Variants in DIAPH2 observed in about 807,000 individuals in gnomAD.
DIAPH2 encodes protein diaphanous homolog 2.
Under a neutral mutation model 92.7 loss-of-function variants are expected in DIAPH2, and 35 were observed. That is an observed-to-expected ratio of 0.38 (90% CI 0.29 to 0.50). The LOEUF is 0.50. DIAPH2 is among the 20% of genes least tolerant of loss of function. The pLI, the probability that DIAPH2 is intolerant of heterozygous loss-of-function variation, is 0.94. For synonymous variants in DIAPH2, 301 were observed against 280.4 expected (o/e 1.07, Z -0.73); for missense variants, 701 against 819.5 (o/e 0.86, Z 1.77).
At chrX:97,393,812 G>A (rs2069681253) in intron 25 of DIAPH2, among the ~76,000 whole-genome samples, 1 of 111,880 alleles carries the variant, frequency 8.9e-6, no homozygotes, top group African/African-American at 3.2e-5. Flanking sequence ...CAAACTATAA[G>A]CATGATTCTT....
chrX:97,054,445 C>T (rs1211138519), intron 17 of DIAPH2, among the ~76,000 whole-genome samples: 1 of 111,321 alleles, frequency 9.0e-6, no homozygotes, highest in East Asian at 2.9e-4. Context: ...ATATTAAGTG[C>T]TACATCCAAG....
chrX:97,564,481 C>T (rs1187391243), intron 26 of DIAPH2: 2 of 111,719 alleles, frequency 1.8e-5, no homozygotes, highest in Non-Finnish European at 3.8e-5. Context: ...GCTGTATCCT[C>T]ACATTGTGAA....
At chrX:97,081,913 G>A (rs1053351802) in intron 19 of DIAPH2, 1 of 108,973 alleles carries the variant, frequency 9.2e-6, no homozygotes, top group African/African-American at 3.4e-5. Context: ...CACGAAGTCA[G>A]GAGATTGAGA....
At chrX:97,088,191 A>G (rs1305663688) in intron 19 of DIAPH2, among the ~76,000 whole-genome samples, 2 of 112,017 alleles carry the variant, frequency 1.8e-5, no homozygotes, top group African/African-American at 6.5e-5. Context: ...TAATCTGTGC[A>G]TTACGTTACT....
At chrX:97,045,250 A>G (rs2066473509) in intron 17 of DIAPH2, among the ~76,000 whole-genome samples, 1 of 111,942 alleles carries the variant, frequency 8.9e-6, no homozygotes, top group Non-Finnish European at 1.9e-5. Context: ...AGAAAGGAAA[A>G]ACTTGGGTGG....
intron 17 of DIAPH2, among the ~76,000 whole-genome samples, chrX:97,028,405 G>C (rs749889221): frequency 9.0e-6 from 1 of 110,586 alleles, no homozygotes; most frequent in Non-Finnish European, 1.9e-5. Flanking sequence ...TCTTCTCTTG[G>C]TTTTGTTTTT....
chrX:96,875,051 C>G (rs1569417662), intron 4 of DIAPH2, among the ~76,000 whole-genome samples: 1 of 112,108 alleles, frequency 8.9e-6, no homozygotes, highest in East Asian at 2.8e-4. Flanking sequence ...GTGGCCAAAA[C>G]TTTGTTTCAT....
chrX:97,148,459 A>G (rs2067261909), intron 22 of DIAPH2, among the ~76,000 whole-genome samples: 1 of 111,716 alleles, frequency 9.0e-6, no homozygotes, highest in Non-Finnish European at 1.9e-5. Context: ...GTAATAGAGC[A>G]CATACCACAT....
rs185178086 is a variant in DIAPH2 at position 97,597,536 on chromosome X, C to T, written c.3242-1717C>T. On this transcript the variant is annotated intron_variant, in intron 26 of 26. Coordinates refer to ENST00000324765, the MANE Select transcript of DIAPH2 (RefSeq NM_006729.5). ...TGCCTGTTGACCTTAGTGTGTAGGA[C>T]CACCAAGGCACAAGCCTTTTTTCAA... Among the ~76,000 whole-genome samples, 19 of 111,374 alleles carry T rather than the reference C, an allele frequency of 1.7e-4. No individual in the cohort carries two copies. The East Asian group carries it at 4.2e-3, about 25-fold the overall frequency.
At chrX:96,685,260 A>G in intron 1 of DIAPH2, 70 bp downstream of exon 1, 1 of 954,455 alleles carries the variant, frequency 1.0e-6, no homozygotes. Flanking sequence ...GCCATTGAAC[A>G]CGGGGGCACC....
chrX:97,291,848 T>G (rs886186901), intron 23 of DIAPH2, among the ~76,000 whole-genome samples: 6 of 111,327 alleles, frequency 5.4e-5, no homozygotes, highest in African/African-American at 6.5e-5. Flanking sequence ...AGTAAACACT[T>G]TCATATACAA....
chrX:97,090,864 G>A (rs1377254291), intron 19 of DIAPH2, among the ~76,000 whole-genome samples: 1 of 111,554 alleles, frequency 9.0e-6, no homozygotes, highest in African/African-American at 3.3e-5. Flanking sequence ...GTAACCATGG[G>A]TGTGCACGTT....
At chrX:96,776,027 T>C (rs1485675218) in intron 4 of DIAPH2, among the ~76,000 whole-genome samples, 4 of 111,476 alleles carry the variant, frequency 3.6e-5, no homozygotes, top group Admixed American at 9.6e-5. Context: ...CAGTTATAGT[T>C]ATAAACTTTG....
chrX:97,133,137 C>T (rs1245339461), intron 21 of DIAPH2, among the ~76,000 whole-genome samples: 1 of 112,119 alleles, frequency 8.9e-6, no homozygotes, highest in Non-Finnish European at 1.9e-5. Context: ...CGCTGCTTTA[C>T]TACTTCATTT....
chrX:97,161,308 A>G (rs1472220696), intron 22 of DIAPH2, among the ~76,000 whole-genome samples: 1 of 111,309 alleles, frequency 9.0e-6, no homozygotes, highest in Non-Finnish European at 1.9e-5. Flanking sequence ...ATTATATATA[A>G]AAATTTACTT....
chrX:96,793,542 A>G (rs1044475696), intron 4 of DIAPH2: 21 of 355,145 alleles, frequency 5.9e-5, no homozygotes, highest in African/African-American at 4.9e-4. Context: ...GGGAAGTCCA[A>G]GGTCTATGTG....
intron 24 of DIAPH2, among the ~76,000 whole-genome samples, chrX:97,355,262 A>T (rs1257157817): frequency 9.0e-6 from 1 of 111,630 alleles, no homozygotes; most frequent in East Asian, 2.8e-4. Flanking sequence ...GATAATATAC[A>T]GAAAATTTGA....
rs966234785 is a variant in DIAPH2, at chrX:97,409,552, C to T, written c.3146-20098C>T. On this transcript the variant is annotated intron_variant, in intron 25 of 26. Coordinates refer to ENST00000324765, the MANE Select transcript of DIAPH2 (RefSeq NM_006729.5). ...TGGGTGCAGCCCACAGAGTGCGAGC[C>T]GAAGCAGGGCAGGGCATCACCTCAC... Among the ~76,000 whole-genome samples, 27 of 111,372 alleles carry T rather than the reference C, an allele frequency of 2.4e-4. No individual in the cohort carries two copies. In the East Asian group the frequency reaches 3.7e-3, roughly 15 times the overall value.
rs950661328 is a variant in DIAPH2 at position 96,684,946 on chromosome X, C to G, written c.-113C>G. ...GCAGCTTCCCGGGCAGACACTCTCTCCCTCAGGAAGAGGTGCCGCCGAGTC... is the reference window on the plus strand; with the variant it reads ...GCAGCTTCCCGGGCAGACACTCTCTGCCTCAGGAAGAGGTGCCGCCGAGTC... On this transcript the variant is annotated 5_prime_UTR_variant, in exon 1 of 27. Transcript: ENST00000324765. 9 of 862,951 alleles carry G rather than the reference C, an allele frequency of 1.0e-5. No homozygotes were observed. The highest frequency in any genetic ancestry group is 1.3e-5 in the Non-Finnish European group (9 of 679,780). The allele number at this position is 862,951 out of a possible 1,213,427, so 71.1% of individuals were successfully genotyped here.
Sources: gnomAD v4.1 joint callset for allele counts (sites outside exome capture counted in the v4.1 genomes callset) on GRCh38, gnomAD v4.1.1 for gene constraint, MANE v1.5 for transcripts, NCBI Gene and HGNC (gene_info 2026-07-23, HGNC 2026-07-21) for gene names.